The following PDGFRA variants were observed in gnomAD, a reference collection of about 807,000 sequenced individuals.
PDGFRA encodes platelet derived growth factor receptor alpha.
In PDGFRA, 25 loss-of-function variants were observed where a neutral mutation model predicts 121.5. The observed-to-expected ratio is 0.21, with a 90% CI of 0.15 to 0.29. PDGFRA has a LOEUF of 0.29. Among genes scored for constraint, PDGFRA ranks in the 10% least tolerant of loss-of-function variants. The pLI, the probability that PDGFRA is intolerant of heterozygous loss-of-function variation, is 1.00. For synonymous variants in PDGFRA, 463 were observed against 494.8 expected (o/e 0.94, Z 0.85); for missense variants, 1,008 against 1,345.1 (o/e 0.75, Z 3.92).
At chr4:54,231,858 C>T (rs1577663000) in intron 1 of PDGFRA, among the ~76,000 whole-genome samples, 1 of 152,380 alleles carries the variant, frequency 6.6e-6, no homozygotes, top group East Asian at 1.9e-4. Context: ...GCTCCCAGCT[C>T]TGCGCCCCTG....
At chr4:54,235,981 A>G (rs1720986249) in intron 1 of PDGFRA, among the ~76,000 whole-genome samples, 1 of 152,198 alleles carries the variant, frequency 6.6e-6, no homozygotes, top group Admixed American at 6.5e-5. Context: ...CTTCTGAGAG[A>G]AAGCATAAGA....
intron 1 of PDGFRA, among the ~76,000 whole-genome samples, chr4:54,248,415 A>G (rs1428977866): frequency 6.6e-6 from 1 of 152,246 alleles, no homozygotes; most frequent in South Asian, 2.1e-4. Context: ...AACGCCGCAT[A>G]TCTACAACTA....
At chr4:54,255,566 C>T (rs1435896630) in intron 1 of PDGFRA, among the ~76,000 whole-genome samples, 4 of 148,812 alleles carry the variant, frequency 2.7e-5, no homozygotes, top group African/African-American at 7.5e-5. Flanking sequence ...AGTGCAGTGG[C>T]GCGATCTTGG....
intron 8 of PDGFRA, among the ~76,000 whole-genome samples, chr4:54,271,580 C>T (rs1404634434): frequency 1.4e-5 from 2 of 140,146 alleles, no homozygotes; most frequent in Admixed American, 7.1e-5. Context: ...CTTCCTTCTT[C>T]TCTCCCTCCC....
chr4:54,250,546 T>C (rs956911436), intron 1 of PDGFRA, among the ~76,000 whole-genome samples: 13 of 152,240 alleles, frequency 8.5e-5, no homozygotes, highest in African/African-American at 3.1e-4. Context: ...AATTCTGATA[T>C]GACTTAGTGT....
chr4:54,289,303 C>T (rs1399369198), intron 21 of PDGFRA, among the ~76,000 whole-genome samples, 189 bp downstream of exon 21: 16 of 152,170 alleles, frequency 1.1e-4, no homozygotes, highest in African/African-American at 2.9e-4. Context: ...CTCCCCTTCC[C>T]GTGGGGCTTT....
intron 12 of PDGFRA, among the ~76,000 whole-genome samples, chr4:54,276,521 T>C (rs1723736342): frequency 6.6e-6 from 1 of 152,172 alleles, no homozygotes; most frequent in East Asian, 1.9e-4. Context: ...CTTTCTTTAT[T>C]TTCCTGCCTA....
In PDGFRA at chr4:54,277,328, T is replaced by C. The variant is rs1723788625; in HGVS notation, c.1787-60T>C. 12 of 1,127,952 alleles carry C rather than the reference T, an allele frequency of 1.1e-5. No individual in the cohort carries two copies. The South Asian group carries it at 1.4e-4, about 13-fold the overall frequency. 69.9% of individuals were successfully genotyped at this position (1,127,952 alleles called of 1,614,324 possible). ...TCCGCCCGCAGAGAGCTGGCTACGGTGCAGAAAGCTGAGGAGGCGTCTGGA... is the reference window on the plus strand; with the variant it reads ...TCCGCCCGCAGAGAGCTGGCTACGGCGCAGAAAGCTGAGGAGGCGTCTGGA... On this transcript the variant is annotated intron_variant, in intron 12 of 22. Transcript: ENST00000257290.
rs1724013488 is a variant in PDGFRA at position 54,280,446 on chromosome 4, G to A, written c.2287G>A (p.Asp763Asn). 1 of 1,613,874 alleles carries A rather than the reference G, an allele frequency of 6.2e-7. No homozygotes were observed. The highest frequency in any genetic ancestry group is 1.3e-5 in the African/African-American group (1 of 75,052). ...TTCCGACATCCAGAGATCACTCTAT[G>A]ATCGTCCAGCCTCATATAAGAAGAA... The part of the protein sequence containing the change: ...KYSDIQRSLY[D>N]RPASYKKKSM... Residue 763 changes from aspartate (D) to asparagine (N), a missense_variant, in exon 16 of 23, where the codon GAT becomes AAT. Around this residue, in one of 5 missense-constraint regions of PDGFRA, gnomAD observed 128 missense variants for 147.6 expected, o/e 0.87. Coordinates refer to ENST00000257290, the MANE Select transcript of PDGFRA (RefSeq NM_006206.6).
chr4:54,230,932 G>C (rs920145939), intron 1 of PDGFRA, among the ~76,000 whole-genome samples: 2 of 152,212 alleles, frequency 1.3e-5, no homozygotes, highest in African/African-American at 4.8e-5. Context: ...GTTCTATTCC[G>C]GGAGGGTGTC....
At position 54,261,422 on chromosome 4, in the gene PDGFRA, C is replaced by T. The variant is rs1425278936; in HGVS notation, c.367+10C>T. On this transcript the variant is annotated intron_variant, in intron 3 of 22. Coordinates refer to ENST00000257290, the MANE Select transcript of PDGFRA (RefSeq NM_006206.6). ...TACATCTATGTGCCAGGTGAGTTGG[C>T]TGGGTCTCCAGGACCAAGCTTCTTC... 1 of 1,608,390 alleles carries T rather than the reference C, an allele frequency of 6.2e-7. No individual in the cohort carries two copies.
In PDGFRA at chr4:54,261,927, A is replaced by T. The variant is rs1406834946; in HGVS notation, c.367+515A>T. Among the ~76,000 whole-genome samples, 543 of 84,302 alleles carry T rather than the reference A, an allele frequency of 6.4e-3. 6 individuals carry two copies. Among genetic ancestry groups the T allele is most frequent in the African/African-American group, 0.029 (512 of 17,738 alleles). 55.3% of individuals were successfully genotyped at this position (84,302 alleles called of 152,430 possible). On this transcript the variant is annotated intron_variant, in intron 3 of 22. Coordinates refer to ENST00000257290, the MANE Select transcript of PDGFRA (RefSeq NM_006206.6). ...TATATATATATATATATATATATAT[A>T]TATATTTTTTTTTTTTTTGGTAACA... is the stretch of plus-strand genomic sequence containing the variant.
At chr4:54,260,032 C>T (rs575783728) in intron 2 of PDGFRA, among the ~76,000 whole-genome samples, 2 of 152,244 alleles carry the variant, frequency 1.3e-5, no homozygotes, top group South Asian at 4.2e-4. Flanking sequence ...TGCTGCATTG[C>T]ACTTACTCTA....
chr4:54,263,207 T>C (rs189438040), intron 3 of PDGFRA, among the ~76,000 whole-genome samples: 2 of 152,356 alleles, frequency 1.3e-5, no homozygotes, highest in East Asian at 3.9e-4. Flanking sequence ...TTTTTTCCTG[T>C]TTTAAACAGA....
chr4:54,285,302 G>T, intron 16 of PDGFRA, 69 bp from the exon 17 acceptor site: 1 of 783,130 alleles, frequency 1.3e-6, no homozygotes. Flanking sequence ...TGTTCTTTGG[G>T]CATGCCTCTG....
At chr4:54,263,444 A>G (rs1722860149) in intron 3 of PDGFRA, among the ~76,000 whole-genome samples, 1 of 152,192 alleles carries the variant, frequency 6.6e-6, no homozygotes, top group Non-Finnish European at 1.5e-5. Context: ...ATTTATCATC[A>G]GTATTATCCA....
intron 1 of PDGFRA, among the ~76,000 whole-genome samples, chr4:54,241,212 G>A (rs73149600): frequency 0.019 from 2,871 of 152,122 alleles, 98 homozygotes; most frequent in African/African-American, 0.066. Context: ...TATGAATTTC[G>A]AAAGAAAATA....
At chr4:54,251,433 G>A (rs984786819) in intron 1 of PDGFRA, among the ~76,000 whole-genome samples, 1 of 152,142 alleles carries the variant, frequency 6.6e-6, no homozygotes, top group Non-Finnish European at 1.5e-5. Context: ...CTATTTGGGA[G>A]TATTCTTAAC....
At chr4:54,266,721 C>T (rs569879775) in intron 5 of PDGFRA, among the ~76,000 whole-genome samples, 22 of 152,120 alleles carry the variant, frequency 1.4e-4, no homozygotes, top group Non-Finnish European at 3.1e-4. Flanking sequence ...TGGCTCATGC[C>T]TGTAATCCCA....
Sources: allele counts gnomAD v4.1 joint callset (sites outside exome capture counted in the v4.1 genomes callset), GRCh38; gene constraint gnomAD v4.1.1; regional missense constraint gnomAD v4.1.1; transcripts MANE v1.5; gene names NCBI Gene and HGNC (gene_info 2026-07-23, HGNC 2026-07-21).